Variants in EMP3 observed in about 807,000 individuals in gnomAD.
EMP3 encodes epithelial membrane protein 3 (MAM blood group).
Under a neutral mutation model 21.6 loss-of-function variants are expected in EMP3, and 15 were observed. The observed-to-expected ratio is 0.69, with a 90% CI of 0.46 to 1.07. The LOEUF (loss-of-function observed/expected upper bound fraction) is 1.07. EMP3 is among the 50% of genes least tolerant of loss of function. The probability of loss-of-function intolerance (pLI) is 0.00; values close to 1 mark genes in which losing one functional copy is unlikely to be tolerated. For synonymous variants in EMP3, 107 were observed against 86.1 expected (o/e 1.24, Z -1.34); for missense variants, 183 against 206.6 (o/e 0.89, Z 0.70).
chr19:48,329,235 G>A lies in EMP3; in HGVS notation c.182-117G>A, dbSNP rs1733242540. 1 of 1,290,948 alleles carries A rather than the reference G, an allele frequency of 7.7e-7. No homozygotes were observed. Among genetic ancestry groups the A allele is most frequent in the Non-Finnish European group, 1.1e-6 (1 of 928,196 alleles). The allele number at this position is 1,290,948 out of a possible 1,614,324, so 80.0% of individuals were successfully genotyped here. A position where few individuals can be genotyped will look rare whatever the true frequency, so the allele number is the denominator to read the frequency against. The stretch of plus-strand genomic sequence containing the variant: ...GTGATACATCTAAGTATCTAGGCTT[G>A]TATGGGCCTAAACGGGAGCAGGGAT... On this transcript the variant is annotated intron_variant, in intron 3 of 4. Transcript: ENST00000270221. The surrounding 1 kb of genome is among the most constrained non-coding windows in gnomAD (Gnocchi z 4.5).
In EMP3 at chr19:48,327,648, G is replaced by A. The variant is rs1382634317; in HGVS notation, c.181+25G>A. The A allele has an allele frequency of 4.4e-6, 7 of 1,594,200 alleles. 1 individual carries two copies. The highest frequency in any genetic ancestry group is 1.7e-4 in the Middle Eastern group (1 of 6,040). ...GGTGAGGGGTGAGGGCGGCGGGACT[G>A]GTCTTCAAAGGGGAAGGTAAACCCT... On this transcript the variant is annotated intron_variant, in intron 3 of 4. Transcript: ENST00000270221.
chr19:48,330,084 G>C (rs569324923), intron 4 of EMP3, among the ~76,000 whole-genome samples: 1 of 150,192 alleles, frequency 6.7e-6, no homozygotes, highest in African/African-American at 2.5e-5. Context: ...ATATTCCTTG[G>C]ATGGATAGAG....
intron 1 of EMP3, among the ~76,000 whole-genome samples, chr19:48,326,318 A>G (rs1037076945): frequency 4.6e-5 from 7 of 151,912 alleles, no homozygotes; most frequent in African/African-American, 1.7e-4. Context: ...GAGGAGCCAC[A>G]TTGCTAGTCC....
In EMP3 at chr19:48,330,483, G is replaced by T. The variant is rs759910554; in HGVS notation, c.*13G>T. The T allele has an allele frequency of 7.3e-5, 114 of 1,570,960 alleles. No homozygotes were observed. The highest frequency in any genetic ancestry group is 9.0e-5 in the Non-Finnish European group (105 of 1,164,472). On this transcript the variant is annotated 3_prime_UTR_variant, in exon 5 of 5. Transcript: ENST00000270221. Reference sequence around the variant, plus strand: ...GAAGCGGGAGTGAGCGCCCCGCCTCGCTCGGCTGCCCCCGCCCCTTCCCGG... The same window carrying T: ...GAAGCGGGAGTGAGCGCCCCGCCTCTCTCGGCTGCCCCCGCCCCTTCCCGG...
Position 48,329,398 on chromosome 19 carries a change from C to T in EMP3, c.228C>T (p.Leu76=). 1.9e-6 allele frequency: 3 copies of T among 1,614,128 alleles called. No homozygotes were observed. Among genetic ancestry groups the T allele is most frequent in the Non-Finnish European group, 2.5e-6 (3 of 1,180,020 alleles). The change falls in exon 4 of 5, where the codon CTC becomes CTT. Residue 76 remains leucine, a synonymous_variant. Coordinates refer to ENST00000270221, the MANE Select transcript of EMP3 (RefSeq NM_001425.3). This position sits in a 1 kb window ranked among gnomAD's most constrained non-coding sequence, Gnocchi z 4.5. ...VQVLMVLSLI[L]CCLSFILFMF... ...TCCTCATGGTGCTCTCCCTCATTCT[C>T]TGCTGTCTCTCCTTCATCCTGTTCA...
At chr19:48,328,438 G>C (rs1362406526) in intron 3 of EMP3, among the ~76,000 whole-genome samples, 2 of 139,410 alleles carry the variant, frequency 1.4e-5, no homozygotes, top group East Asian at 4.2e-4. Flanking sequence ...AAAAAGAATA[G>C]AGAAAAATCT....
At position 48,329,582 on chromosome 19, in the gene EMP3, GC is replaced by G; in HGVS notation, c.322+92del. ...AAGATGCTGGGGGCCCTGAGAATGG[GC>G]CTCTCGTAGAAAAAAACAACTTTCA... is the stretch of plus-strand genomic sequence containing the variant. On this transcript the variant is annotated intron_variant, in intron 4 of 4. Coordinates refer to ENST00000270221, the MANE Select transcript of EMP3 (RefSeq NM_001425.3). This position sits in a 1 kb window ranked among gnomAD's most constrained non-coding sequence, Gnocchi z 4.5. 1 of 1,527,414 alleles carries G rather than the reference GC, an allele frequency of 6.5e-7. No homozygotes were observed. Among genetic ancestry groups the G allele is most frequent in the Admixed American group, 2.0e-5 (1 of 50,534 alleles). 94.6% of individuals were successfully genotyped at this position (1,527,414 alleles called of 1,614,324 possible).
At position 48,329,178 on chromosome 19, in the gene EMP3, T is replaced by C. The variant is rs1969167655; in HGVS notation, c.182-174T>C. 2.8e-6 allele frequency: 2 copies of C among 723,720 alleles called. No homozygotes were observed. The highest frequency in any genetic ancestry group is 6.1e-5 in the Admixed American group (2 of 33,004). The allele number at this position is 723,720 out of a possible 1,614,324, so 44.8% of individuals were successfully genotyped here. On this transcript the variant is annotated intron_variant, in intron 3 of 4. Coordinates refer to ENST00000270221, the MANE Select transcript of EMP3 (RefSeq NM_001425.3). This position sits in a 1 kb window ranked among gnomAD's most constrained non-coding sequence, Gnocchi z 4.5. ...AACTACTAGAACTGAGAAGGGAATA[T>C]AGCAAGGTAACAGGGCTCAAGGTCA...
intron 4 of EMP3, among the ~76,000 whole-genome samples, chr19:48,330,018 T>C (rs1969180690): frequency 6.6e-6 from 1 of 152,212 alleles, no homozygotes; most frequent in South Asian, 2.1e-4. Context: ...GCAAAGCTTC[T>C]CTCTTGGTTT....
intron 3 of EMP3, among the ~76,000 whole-genome samples, chr19:48,328,411 CAAAA>C (rs746709296): frequency 1.5e-4 from 12 of 80,672 alleles, no homozygotes; most frequent in African/African-American, 4.4e-4. Flanking sequence ...GATTCTGTCT[CAAAA>C]AAAAAAAAAA....
rs761908174 is a variant in EMP3, at chr19:48,327,612, T to C, written c.170T>C (p.Val57Ala). The C allele has an allele frequency of 6.2e-7, 1 of 1,613,724 alleles. No homozygotes were observed. Among genetic ancestry groups the C allele is most frequent in the Non-Finnish European group, 8.5e-7 (1 of 1,179,884 alleles). The change falls in exon 3 of 5, where the codon GTC becomes GCC. Residue 57 changes from valine to alanine, a missense_variant. Val to Ala is a moderately conservative substitution (Grantham distance 64, BLOSUM62 0). Coordinates refer to ENST00000270221, the MANE Select transcript of EMP3 (RefSeq NM_001425.3). The part of the protein sequence containing the change: ...NDTKTWACSN[V>A]SENGWLKAVQ... ...ACCAAAACATGGGCCTGCAGTAATG[T>C]CAGCGAGAATGGTGAGGGGTGAGGG...
Position 48,329,359 on chromosome 19 carries a change from G to A in EMP3, c.189G>A (p.Leu63=). The part of the protein sequence containing the change: ...ACSNVSENGW[L]KAVQVLMVLS... ...GTGTCCTCCTTACTGCAGGCTGGCT[G>A]AAGGCGGTGCAGGTCCTCATGGTGC... is the stretch of plus-strand genomic sequence containing the variant. Residue 63 remains leucine, a synonymous_variant, in exon 4 of 5, where the codon CTG becomes CTA. Transcript: ENST00000270221. This position sits in a 1 kb window ranked among gnomAD's most constrained non-coding sequence, Gnocchi z 4.5. The A allele has an allele frequency of 1.2e-6, 2 of 1,614,134 alleles. No individual in the cohort carries two copies. Among genetic ancestry groups the A allele is most frequent in the Non-Finnish European group, 1.7e-6 (2 of 1,180,014 alleles).
chr19:48,326,291 T>A (rs907029317), intron 1 of EMP3, among the ~76,000 whole-genome samples: 4 of 151,930 alleles, frequency 2.6e-5, no homozygotes, highest in African/African-American at 9.7e-5. Flanking sequence ...TAACCCAGAG[T>A]CAGGGTTCTG....
At chr19:48,326,978 C>T (rs1969133220) in intron 2 of EMP3, 56 bp downstream of exon 2, 3 of 1,487,516 alleles carry the variant, frequency 2.0e-6, no homozygotes, top group Middle Eastern at 1.7e-4. Context: ...CTTGCCACGC[C>T]CCTCCTCTAA....
Position 48,326,827 on chromosome 19 carries a change from C to A in EMP3, c.-15-3C>A. The A allele has an allele frequency of 6.2e-7, 1 of 1,613,136 alleles. No individual in the cohort carries two copies. The highest frequency in any genetic ancestry group is 8.5e-7 in the Non-Finnish European group (1 of 1,179,194). ...GACTCCGTCCCCTGCTCCCCCTCCC[C>A]AGGCTTCCACTGCAGCCATGTCACT... On this transcript the variant is annotated splice_region_variant and splice_polypyrimidine_tract_variant and intron_variant, in intron 1 of 4. Coordinates refer to ENST00000270221, the MANE Select transcript of EMP3 (RefSeq NM_001425.3).
intron 1 of EMP3, among the ~76,000 whole-genome samples, chr19:48,326,244 G>C (rs1045633661): frequency 1.3e-5 from 2 of 152,084 alleles, no homozygotes; most frequent in Non-Finnish European, 1.5e-5. Context: ...GTGCAGGGTG[G>C]GGTCTCAACT....
Position 48,329,805 on chromosome 19 carries a change from C to T in EMP3, c.322+313C>T, listed in dbSNP as rs1302640765. On this transcript the variant is annotated intron_variant, in intron 4 of 4. Coordinates refer to ENST00000270221, the MANE Select transcript of EMP3 (RefSeq NM_001425.3). The surrounding 1 kb of genome is among the most constrained non-coding windows in gnomAD (Gnocchi z 4.5). ...TTTTGGTCCCAGGGATCGGCCGTGACGTGGGGGGATAAACTAATTAGTACC... is the reference window on the plus strand; with the variant it reads ...TTTTGGTCCCAGGGATCGGCCGTGATGTGGGGGGATAAACTAATTAGTACC... Among the ~76,000 whole-genome samples the T allele has an allele frequency of 2.6e-5, 4 of 151,998 alleles. No homozygotes were observed. The highest frequency in any genetic ancestry group is 1.3e-4 in the Admixed American group (2 of 15,240).
At chr19:48,326,976 G>A (rs902798260) in intron 2 of EMP3, 54 bp downstream of exon 2, 6 of 1,490,584 alleles carry the variant, frequency 4.0e-6, no homozygotes, top group Non-Finnish European at 4.7e-6. Flanking sequence ...ATCTTGCCAC[G>A]CCCCTCCTCT....
rs1440420975 is a variant in EMP3, at chr19:48,326,900, T to C, written c.56T>C (p.Leu19Pro). 1.2e-6 allele frequency: 2 copies of C among 1,613,962 alleles called. No homozygotes were observed. The highest frequency in any genetic ancestry group is 2.7e-5 in the African/African-American group (2 of 74,908). The change falls in exon 2 of 5, where the codon CTT becomes CCT. Residue 19 changes from leucine (L) to proline (P), a missense_variant. Leu to Pro is a moderately conservative substitution (Grantham distance 98). Transcript: ENST00000270221. The stretch of plus-strand genomic sequence containing the variant: ...CTTCACATCCTCATTCTTATACTGC[T>C]TTTCGTGGCCACTTTGGACAAGGTA... Reference protein sequence around the residue: ...SALHILILILLFVATLDKSWW... With the variant: ...SALHILILILPFVATLDKSWW...
Sources: allele counts gnomAD v4.1 joint callset (sites outside exome capture counted in the v4.1 genomes callset), GRCh38; gene constraint gnomAD v4.1.1; non-coding constraint Gnocchi (gnomAD v3.1); transcripts MANE v1.5; gene names NCBI Gene and HGNC (gene_info 2026-07-23, HGNC 2026-07-21).